The following HSPG2 variants were observed in gnomAD, a reference collection of about 807,000 sequenced individuals.
The protein encoded by HSPG2 is basement membrane-specific heparan sulfate proteoglycan core protein.
Under a neutral mutation model 526.6 loss-of-function variants are expected in HSPG2, and 278 were observed. The observed-to-expected ratio is 0.53, with a 90% CI of 0.48 to 0.58. HSPG2 has a LOEUF of 0.58. HSPG2 is among the 20% of genes least tolerant of loss of function. The pLI is 0.00. For missense variants in HSPG2, 5,354 were observed against 6,099.5 expected, an observed-to-expected ratio of 0.88 and a Z score of 4.07; for synonymous variants, 2,465 against 2,555.4, an observed-to-expected ratio of 0.96 and a Z score of 1.07.
At chr1:21,849,890 G>A (rs1638749865) in intron 57 of HSPG2, 151 bp downstream of exon 57, 2 of 938,218 alleles carry the variant, frequency 2.1e-6, no homozygotes, top group Admixed American at 3.5e-5. Flanking sequence ...ATGTTGGTCA[G>A]GCTGGTCTCA....
At chr1:21,832,845 C>T in intron 80 of HSPG2, 1 of 590,676 alleles carries the variant, frequency 1.7e-6, no homozygotes, top group Non-Finnish European at 3.0e-6. Flanking sequence ...TGGAGTCTCC[C>T]TCAAGGGGGA....
At chr1:21,910,571 CA>C (rs938836802) in intron 1 of HSPG2, among the ~76,000 whole-genome samples, 4 of 152,206 alleles carry the variant, frequency 2.6e-5, no homozygotes, top group African/African-American at 9.7e-5. Flanking sequence ...AGTGTCTCTC[CA>C]GCCACTTTGT....
At position 21,880,485 on chromosome 1, in the gene HSPG2, G is replaced by T. The variant is rs763635060; in HGVS notation, c.2073C>A (p.Ala691=). Residue 691 remains alanine (A), a synonymous_variant, in exon 16 of 97, where the codon GCC becomes GCA. Coordinates refer to ENST00000374695, the MANE Select transcript of HSPG2 (RefSeq NM_005529.7). ...ELLQVLQSLE[A]VLIQTVYNTK... ...TGTTGTACACGGTCTGGATGAGCACGGCCTCCAGGCTCTGCAGCACCTGCA... is the reference window on the plus strand; with the variant it reads ...TGTTGTACACGGTCTGGATGAGCACTGCCTCCAGGCTCTGCAGCACCTGCA... 1.2e-6 allele frequency: 2 copies of T among 1,613,716 alleles called. No homozygotes were observed. The highest frequency in any genetic ancestry group is 3.3e-5 in the Admixed American group (2 of 59,978).
chr1:21,878,614 C>A lies in HSPG2; in HGVS notation c.2521G>T (p.Ala841Ser). The stretch of plus-strand genomic sequence containing the variant: ...CGGCCAGTGTAGCCTGGGGCACAGG[C>A]GTCACATGTGGCTTGGCCATCCGTG... ...LDTDGQATCD[A>S]CAPGYTGRRC... is the part of the protein sequence containing the mutation. The change falls in exon 19 of 97, where the codon GCC becomes TCC. Residue 841 changes from alanine to serine, a missense_variant. Coordinates refer to ENST00000374695, the MANE Select transcript of HSPG2 (RefSeq NM_005529.7). 1.2e-6 allele frequency: 2 copies of A among 1,614,152 alleles called. No homozygotes were observed. The highest frequency in any genetic ancestry group is 1.7e-6 in the Non-Finnish European group (2 of 1,180,038).
rs371933296 is a variant in HSPG2, at chr1:21,884,500, C to A, written c.1654+28G>T. On this transcript the variant is annotated intron_variant, in intron 13 of 96. Coordinates refer to ENST00000374695, the MANE Select transcript of HSPG2 (RefSeq NM_005529.7). ...ACAGAGGTACCCACCTCCCACCTCCCGCAGCGCTCACCCGCCCGCCAACGC... is the reference window on the plus strand; with the variant it reads ...ACAGAGGTACCCACCTCCCACCTCCAGCAGCGCTCACCCGCCCGCCAACGC... 2.2e-5 allele frequency: 36 copies of A among 1,610,794 alleles called. No individual in the cohort carries two copies. In the East Asian group the frequency reaches 8.0e-4, roughly 36 times the overall value.
Position 21,822,678 on chromosome 1 carries a change from T to G in HSPG2, c.*638A>C. 6.0e-6 allele frequency: 1 copy of G among 166,614 alleles called. No individual in the cohort carries two copies. 10.3% of individuals were successfully genotyped at this position (166,614 alleles called of 1,614,324 possible). A position where few individuals can be genotyped will look rare whatever the true frequency, so the allele number is the denominator to read the frequency against. The stretch of plus-strand genomic sequence containing the variant: ...CCTGAGGGAGGGACCCCAGGCTGTG[T>G]GCTGGCAGGAGGGGGTGGGAATGCA... On this transcript the variant is annotated 3_prime_UTR_variant, in exon 97 of 97. Coordinates refer to ENST00000374695, the MANE Select transcript of HSPG2 (RefSeq NM_005529.7).
In HSPG2 at chr1:21,875,236, G is replaced by C; in HGVS notation, c.3303-234C>G. ...AGAGGTTATACCACCTCGTTCCCCT[G>C]GGGTCCCCAATGACAGGCTGATACA... On this transcript the variant is annotated intron_variant, in intron 25 of 96. Transcript: ENST00000374695. 4 of 610,074 alleles carry C rather than the reference G, an allele frequency of 6.6e-6. No individual in the cohort carries two copies. The Admixed American group carries it at 1.1e-4, about 16-fold the overall frequency. The allele number at this position is 610,074 out of a possible 1,614,324, so 37.8% of individuals were successfully genotyped here. A position where few individuals can be genotyped will look rare whatever the true frequency, so the allele number is the denominator to read the frequency against.
intron 1 of HSPG2, among the ~76,000 whole-genome samples, chr1:21,905,263 A>C (rs1643317366): frequency 1.3e-5 from 1 of 76,128 alleles, no homozygotes; most frequent in African/African-American, 3.8e-5. Context: ...ACACACACCC[A>C]CACACACACA....
chr1:21,833,883 G>A lies in HSPG2; in HGVS notation c.10763C>T (p.Ala3588Val). 1.2e-6 allele frequency: 2 copies of A among 1,601,434 alleles called. No individual in the cohort carries two copies. The highest frequency in any genetic ancestry group is 1.7e-6 in the Non-Finnish European group (2 of 1,173,882). The change falls in exon 78 of 97, where the codon GCT (alanine) becomes GTT (valine). Residue 3588 changes from alanine to valine, a missense_variant. Physicochemically the swap from Ala to Val is moderately conservative, Grantham distance 64. Transcript: ENST00000374695. ...ISMPQEVRVP[A>V]GSAAVFPCIA... is the part of the protein sequence containing the mutation. ...GCAGGGGAAGACAGCTGCAGAACCA[G>A]CAGGCACACGGACTTCTTGGGGCAT...
At chr1:21,830,126 G>C in intron 85 of HSPG2, 35 bp from the exon 86 acceptor site, 2 of 1,522,618 alleles carry the variant, frequency 1.3e-6, no homozygotes, top group Non-Finnish European at 1.8e-6. Flanking sequence ...AAGACACGGA[G>C]GTGACTCTGG....
At chr1:21,878,935 T>C in intron 18 of HSPG2, 59 bp downstream of exon 18, 1 of 1,582,920 alleles carries the variant, frequency 6.3e-7, no homozygotes, top group Non-Finnish European at 8.6e-7. Flanking sequence ...CCCAGAATAT[T>C]CTCTGGCCTG....
At chr1:21,901,795 C>A (rs111315427) in intron 1 of HSPG2, among the ~76,000 whole-genome samples, 10 of 152,220 alleles carry the variant, frequency 6.6e-5, no homozygotes, top group African/African-American at 1.7e-4. Flanking sequence ...GGCGGGGGGA[C>A]AAAAGAGCTC....
rs759358865 is a variant in HSPG2 at position 21,872,988 on chromosome 1, C to G, written c.3888+9G>C. 2 of 1,610,234 alleles carry G rather than the reference C, an allele frequency of 1.2e-6. No individual in the cohort carries two copies. Among genetic ancestry groups the G allele is most frequent in the East Asian group, 2.2e-5 (1 of 44,872 alleles). ...AGCAGGCCCCGCAGGGACAGGGATT[C>G]GGACTGACCTTGCACTGGCACTGAC... On this transcript the variant is annotated intron_variant, in intron 31 of 96. Transcript: ENST00000374695. The surrounding 1 kb of genome is among the most constrained non-coding windows in gnomAD (Gnocchi z 5.5).
chr1:21,884,397 A>T, intron 13 of HSPG2, 131 bp downstream of exon 13: 1 of 1,254,540 alleles, frequency 8.0e-7, no homozygotes, highest in Non-Finnish European at 1.2e-6. Context: ...GACAGGGCTC[A>T]GTGTTTCTTC....
intron 33 of HSPG2, among the ~76,000 whole-genome samples, chr1:21,871,969 A>G (rs1346137869): frequency 1.3e-5 from 2 of 152,254 alleles, no homozygotes; most frequent in Non-Finnish European, 2.9e-5. Flanking sequence ...CACGATCTCC[A>G]ATCCCCTCAG....
intron 1 of HSPG2, among the ~76,000 whole-genome samples, chr1:21,933,280 G>C (rs1644392989): frequency 6.6e-6 from 1 of 152,046 alleles, no homozygotes. Context: ...GAGTTTGAGA[G>C]GAGCAGGTGG....
intron 91 of HSPG2, among the ~76,000 whole-genome samples, chr1:21,826,572 C>T (rs1197926861): frequency 6.6e-6 from 1 of 151,896 alleles, no homozygotes; most frequent in Non-Finnish European, 1.5e-5. Flanking sequence ...ATGGTGCATG[C>T]AATCTTGGCT....
At position 21,862,069 on chromosome 1, in the gene HSPG2, G is replaced by T. The variant is rs1639831982; in HGVS notation, c.4787C>A (p.Pro1596His). Reference protein sequence around the residue: ...AAGEFCELCAPGYYGDATAGT... With the variant: ...AAGEFCELCAHGYYGDATAGT... ...GGCTGTGGCATCTCCGTAGTAGCCA[G>T]GGGCACAAAGCTCGCAGAACTCCCC... The change falls in exon 38 of 97, where the codon CCT becomes CAT. Residue 1596 changes from proline (P) to histidine (H), a missense_variant. By Grantham distance (77) the Pro-to-His change is moderately conservative. Coordinates refer to ENST00000374695, the MANE Select transcript of HSPG2 (RefSeq NM_005529.7). The T allele has an allele frequency of 6.2e-7, 1 of 1,614,058 alleles. No individual in the cohort carries two copies. The highest frequency in any genetic ancestry group is 8.5e-7 in the Non-Finnish European group (1 of 1,180,034).
intron 1 of HSPG2, among the ~76,000 whole-genome samples, chr1:21,930,947 G>A (rs1488614574): frequency 6.6e-6 from 1 of 152,200 alleles, no homozygotes; most frequent in Non-Finnish European, 1.5e-5. Context: ...CAGAGCAACA[G>A]GACACCCTCC....
Sources: gnomAD v4.1 joint callset for allele counts (sites outside exome capture counted in the v4.1 genomes callset) on GRCh38, gnomAD v4.1.1 for gene constraint, Gnocchi (gnomAD v3.1) non-coding constraint, MANE v1.5 for transcripts, NCBI Gene and HGNC (gene_info 2026-07-23, HGNC 2026-07-21) for gene names.